Variants in DPYD observed in about 807,000 individuals in gnomAD.
DPYD encodes dihydropyrimidine dehydrogenase, also known as dihydropyrimidine dehydrogenase [NADP(+)].
DPYD carries 109 observed loss-of-function variants against 116.2 expected under a neutral mutation model. That is an observed-to-expected ratio of 0.94 (90% CI 0.80 to 1.10). The LOEUF (loss-of-function observed/expected upper bound fraction) is 1.10. Ranked by LOEUF, DPYD falls within the 50% of genes least tolerant of loss-of-function variation. The pLI is 0.00. For missense variants in DPYD, 1,302 were observed against 1,254.5 expected, an observed-to-expected ratio of 1.04 and a Z score of -0.57; for synonymous variants, 440 against 432.0, an observed-to-expected ratio of 1.02 and a Z score of -0.23.
At chr1:97,363,133 G>A (rs1423706510) in intron 16 of DPYD, among the ~76,000 whole-genome samples, 3 of 152,126 alleles carry the variant, frequency 2.0e-5, no homozygotes, top group Admixed American at 2.0e-4. Flanking sequence ...CCATCAAAAG[G>A]TGGGCAAAGG....
At chr1:97,900,085 C>T (rs1340137236) in intron 1 of DPYD, among the ~76,000 whole-genome samples, 1 of 151,844 alleles carries the variant, frequency 6.6e-6, no homozygotes, top group African/African-American at 2.4e-5. Flanking sequence ...AAATAATATG[C>T]ATTTAGAAGT....
intron 4 of DPYD, among the ~76,000 whole-genome samples, chr1:97,735,479 AT>A (rs1663874036): frequency 1.3e-5 from 2 of 150,626 alleles, no homozygotes; most frequent in Admixed American, 1.3e-4. Context: ...GTTGGAAAGC[AT>A]CCTAGCTAAC....
At chr1:97,748,249 G>C (rs1444142550) in intron 3 of DPYD, among the ~76,000 whole-genome samples, 1 of 152,092 alleles carries the variant, frequency 6.6e-6, no homozygotes, top group African/African-American at 2.4e-5. Context: ...GGTAGGTTTT[G>C]ACCATGTAGA....
intron 17 of DPYD, 45 bp from the exon 18 acceptor site, chr1:97,305,423 C>T (rs767706975): frequency 7.5e-6 from 12 of 1,610,486 alleles, no homozygotes; most frequent in Admixed American, 6.7e-5. Flanking sequence ...TTATAAGACA[C>T]GATAGTTAAA....
chr1:97,738,240 T>G (rs1034868735), intron 4 of DPYD, among the ~76,000 whole-genome samples: 3 of 152,158 alleles, frequency 2.0e-5, no homozygotes, highest in Non-Finnish European at 4.4e-5. Context: ...AACCCAGGAT[T>G]CACTGTTTGA....
intron 16 of DPYD, among the ~76,000 whole-genome samples, chr1:97,311,484 T>C (rs1039073110): frequency 6.6e-6 from 1 of 151,738 alleles, no homozygotes; most frequent in Admixed American, 6.6e-5. Context: ...CACAATGTGA[T>C]GCCATTATCT....
At chr1:97,288,123 C>A (rs1480508413) in intron 18 of DPYD, among the ~76,000 whole-genome samples, 1 of 151,686 alleles carries the variant, frequency 6.6e-6, no homozygotes, top group East Asian at 1.9e-4. Flanking sequence ...ATCAATTCAA[C>A]AAGAAAAGCT....
At chr1:97,487,272 TA>T (rs931567848) in intron 13 of DPYD, among the ~76,000 whole-genome samples, 7 of 151,726 alleles carry the variant, frequency 4.6e-5, no homozygotes, top group Non-Finnish European at 1.0e-4. Flanking sequence ...TTATTTAAAT[TA>T]AAAAAAATAT....
At chr1:97,447,266 C>T (rs1489879077) in intron 14 of DPYD, among the ~76,000 whole-genome samples, 2 of 152,216 alleles carry the variant, frequency 1.3e-5, no homozygotes, top group African/African-American at 2.4e-5. Context: ...AAGGTGGCAG[C>T]CATGCACTCG....
In DPYD at chr1:97,098,371, T is replaced by C. The variant is rs368199887; in HGVS notation, c.2766+118A>G. On this transcript the variant is annotated intron_variant, in intron 21 of 22. Coordinates refer to ENST00000370192, the MANE Select transcript of DPYD (RefSeq NM_000110.4). ...CCATGGACAGATGTTTTTAAAACTT[T>C]CATTATAATTCTAAAACCAAATTAG... The C allele has an allele frequency of 1.4e-4, 174 of 1,238,370 alleles. No individual in the cohort carries two copies. The African/African-American group carries it at 2.4e-3, about 17-fold the overall frequency. 76.7% of individuals were successfully genotyped at this position (1,238,370 alleles called of 1,614,324 possible).
At chr1:97,371,404 A>C (rs1303520368) in intron 16 of DPYD, among the ~76,000 whole-genome samples, 2 of 152,194 alleles carry the variant, frequency 1.3e-5, no homozygotes, top group Admixed American at 1.3e-4. Flanking sequence ...GGGAAGAGGG[A>C]CTAGAATGAC....
At chr1:97,651,613 C>A in intron 8 of DPYD, among the ~76,000 whole-genome samples, 1 of 152,126 alleles carries the variant, frequency 6.6e-6, no homozygotes, top group East Asian at 1.9e-4. Context: ...CCTGACCCCA[C>A]AAAACTTACT....
intron 16 of DPYD, among the ~76,000 whole-genome samples, chr1:97,332,594 A>G (rs1669066953): frequency 6.6e-6 from 1 of 152,214 alleles, no homozygotes; most frequent in Admixed American, 6.5e-5. Context: ...AATTCAAGAT[A>G]GTTACCAACA....
chr1:97,671,134 AAATT>A (rs1659839584), intron 8 of DPYD, among the ~76,000 whole-genome samples: 1 of 152,070 alleles, frequency 6.6e-6, no homozygotes. Context: ...AGTGATTAAT[AAATT>A]ATCTCCTTTT....
chr1:97,214,330 T>A (rs1477918302), intron 19 of DPYD, among the ~76,000 whole-genome samples: 1 of 152,220 alleles, frequency 6.6e-6, no homozygotes, highest in East Asian at 1.9e-4. Flanking sequence ...CAACTATTTA[T>A]GGATTGTCAA....
intron 10 of DPYD, among the ~76,000 whole-genome samples, chr1:97,590,685 T>C (rs1654444192): frequency 1.3e-5 from 2 of 152,212 alleles, no homozygotes; most frequent in Non-Finnish European, 2.9e-5. Context: ...CAAGGATCTG[T>C]TGCTTCTCAA....
At chr1:97,269,688 C>T (rs1664450977) in intron 18 of DPYD, among the ~76,000 whole-genome samples, 1 of 152,150 alleles carries the variant, frequency 6.6e-6, no homozygotes, top group Non-Finnish European at 1.5e-5. Flanking sequence ...TCCTCACTCA[C>T]ATGGTAGAGA....
chr1:97,708,431 G>A (rs1662105804), intron 5 of DPYD, among the ~76,000 whole-genome samples: 1 of 151,928 alleles, frequency 6.6e-6, no homozygotes, highest in Non-Finnish European at 1.5e-5. Context: ...TATTGCCTTT[G>A]CTCTTTTGTC....
chr1:97,127,224 G>C (rs547634383), intron 20 of DPYD, among the ~76,000 whole-genome samples: 1 of 152,264 alleles, frequency 6.6e-6, no homozygotes, highest in African/African-American at 2.4e-5. Flanking sequence ...TGATGTTTGT[G>C]ACAAAGAGGA....
Sources: allele counts gnomAD v4.1 joint callset (sites outside exome capture counted in the v4.1 genomes callset), GRCh38; gene constraint gnomAD v4.1.1; transcripts MANE v1.5; gene names NCBI Gene and HGNC (gene_info 2026-07-23, HGNC 2026-07-21).